The following GRM7 variants were observed in gnomAD, a reference collection of about 807,000 sequenced individuals.
The protein encoded by GRM7 is glutamate metabotropic receptor 7, also known as metabotropic glutamate receptor 7.
A neutral mutation model predicts 84.5 loss-of-function variants in GRM7; 35 were observed. That is an observed-to-expected ratio of 0.41 (90% confidence interval 0.32 to 0.55). The LOEUF is 0.55. GRM7 is among the 20% of genes least tolerant of loss of function. The pLI is 0.19. For missense variants in GRM7, 1,003 were observed against 1,194.6 expected (o/e 0.84, Z 2.36); for synonymous variants, 487 against 455.1 (o/e 1.07, Z -0.89).
At chr3:7,410,242 T>C (rs1695867555) in intron 4 of GRM7, among the ~76,000 whole-genome samples, 2 of 152,158 alleles carry the variant, frequency 1.3e-5, no homozygotes, top group Admixed American at 1.3e-4. Flanking sequence ...ATCTGGACTT[T>C]CAAGTAAAAT....
intron 1 of GRM7, among the ~76,000 whole-genome samples, chr3:6,962,717 G>C (rs1693349333): frequency 6.6e-6 from 1 of 152,150 alleles, no homozygotes; most frequent in Non-Finnish European, 1.5e-5. Context: ...ACCCAGAACT[G>C]ACTAAAAGTC....
intron 1 of GRM7, among the ~76,000 whole-genome samples, chr3:6,914,052 C>T (rs1042760578): frequency 5.3e-5 from 8 of 152,132 alleles, no homozygotes; most frequent in East Asian, 1.9e-4. Flanking sequence ...ACCTGTGGTA[C>T]GAATTGTTTT....
rs529541149 is a variant in GRM7 at position 7,512,734 on chromosome 3, A to AT, written c.1515+51017dup. Reference sequence around the variant, plus strand: ...GCCCTTAGTTAATGCTGGGGAAAACATTTTTATCCAACCTGGAGGACACTT... The same window carrying AT: ...GCCCTTAGTTAATGCTGGGGAAAACATTTTTTATCCAACCTGGAGGACACTT... On this transcript the variant is annotated intron_variant, in intron 7 of 9. Coordinates refer to ENST00000357716, the MANE Select transcript of GRM7 (RefSeq NM_000844.4). 3.4e-4 allele frequency among the ~76,000 whole-genome samples: 51 copies of AT among 152,218 alleles called. 1 individual carries two copies. The South Asian group carries it at 9.7e-3, about 29-fold the overall frequency.
chr3:7,310,567 A>G (rs1225733526), intron 4 of GRM7, among the ~76,000 whole-genome samples: 3 of 152,164 alleles, frequency 2.0e-5, no homozygotes, highest in Non-Finnish European at 4.4e-5. Context: ...AAAATGAGAA[A>G]GAAAATATTG....
chr3:6,925,682 G>A (rs1313630114), intron 1 of GRM7, among the ~76,000 whole-genome samples: 1 of 152,180 alleles, frequency 6.6e-6, no homozygotes, highest in Non-Finnish European at 1.5e-5. Flanking sequence ...GAATGCTCTA[G>A]TTGATGATTT....
chr3:7,470,969 G>A (rs1034171716), intron 7 of GRM7, among the ~76,000 whole-genome samples: 4 of 151,566 alleles, frequency 2.6e-5, no homozygotes, highest in Non-Finnish European at 4.4e-5. Context: ...GTGGGGCATC[G>A]TCAGAATGCC....
At chr3:7,111,934 C>T (rs867834957) in intron 1 of GRM7, among the ~76,000 whole-genome samples, 1 of 152,192 alleles carries the variant, frequency 6.6e-6, no homozygotes, top group South Asian at 2.1e-4. Context: ...GTTTCAGGGC[C>T]TTTTAAAATT....
chr3:7,312,285 G>A lies in GRM7; in HGVS notation c.1033+5633G>A, dbSNP rs765949066. Among the ~76,000 whole-genome samples the A allele has an allele frequency of 4.6e-5, 7 of 152,132 alleles. 1 individual carries two copies. Among genetic ancestry groups the A allele is most frequent in the Non-Finnish European group, 7.3e-5 (5 of 68,040 alleles). On this transcript the variant is annotated intron_variant, in intron 4 of 9. Transcript: ENST00000357716. ...GTCTTGGCAGCAATGCAAAGGAGGG[G>A]CTTCCAGGGTCAGTAGAAAACATGC...
chr3:7,337,137 T>TTTGACAAAGCAAACAAACATAAAA, intron 4 of GRM7, among the ~76,000 whole-genome samples: 1 of 152,132 alleles, frequency 6.6e-6, no homozygotes, highest in African/African-American at 2.4e-5. Context: ...CCAACTGCTC[T>TTTGACAAAGCAAACAAACATAAAA]TTGACAAAGC....
At chr3:7,288,513 C>T (rs1699508525) in intron 2 of GRM7, among the ~76,000 whole-genome samples, 1 of 152,106 alleles carries the variant, frequency 6.6e-6, no homozygotes, top group Non-Finnish European at 1.5e-5. Flanking sequence ...TAGCATTGGA[C>T]AAATCTGTGT....
intron 9 of GRM7, among the ~76,000 whole-genome samples, chr3:7,726,106 A>G (rs993737340): frequency 6.6e-6 from 1 of 152,172 alleles, no homozygotes; most frequent in African/African-American, 2.4e-5. Context: ...ATGAGTCAGA[A>G]TCTATAACAG....
At chr3:7,702,406 G>A (rs961465050) in intron 9 of GRM7, among the ~76,000 whole-genome samples, 1 of 152,134 alleles carries the variant, frequency 6.6e-6, no homozygotes, top group Non-Finnish European at 1.5e-5. Context: ...TTTTGACTAT[G>A]TACAACCTTT....
Position 6,863,018 on chromosome 3 carries a change from T to C in GRM7, c.519+1111T>C. The stretch of plus-strand genomic sequence containing the variant: ...CTGCACTGGGTAGGAATGAGTGGCT[T>C]TGGGGTTTGGAAATTGAGTTTCAGG... On this transcript the variant is annotated intron_variant, in intron 1 of 9. Transcript: ENST00000357716. This position sits in a 1 kb window ranked among gnomAD's most constrained non-coding sequence, Gnocchi z 4.8. 2.2e-6 allele frequency: 1 copy of C among 456,022 alleles called. No homozygotes were observed. Among genetic ancestry groups the C allele is most frequent in the South Asian group, 1.6e-5 (1 of 64,444 alleles). 28.2% of individuals were successfully genotyped at this position (456,022 alleles called of 1,614,324 possible).
intron 1 of GRM7, among the ~76,000 whole-genome samples, chr3:6,920,472 T>C (rs999504839): frequency 2.0e-5 from 3 of 151,564 alleles, no homozygotes; most frequent in Admixed American, 6.6e-5. Flanking sequence ...CAAGAATCGC[T>C]GGAACCTGGG....
intron 4 of GRM7, among the ~76,000 whole-genome samples, chr3:7,394,062 G>A (rs114548510): frequency 4.0e-5 from 6 of 151,810 alleles, no homozygotes; most frequent in South Asian, 2.1e-4. Flanking sequence ...ATCATTCTTC[G>A]CATCTTAGAG....
intron 4 of GRM7, among the ~76,000 whole-genome samples, chr3:7,335,837 C>T (rs1701397657): frequency 6.6e-6 from 1 of 151,870 alleles, no homozygotes; most frequent in Non-Finnish European, 1.5e-5. Flanking sequence ...AAATAAACAA[C>T]CCTCATAGAT....
In GRM7 at chr3:7,151,071, T is replaced by C. The variant is rs1479308259; in HGVS notation, c.736+4403T>C. 6.6e-6 allele frequency among the ~76,000 whole-genome samples: 1 copy of C among 152,234 alleles called. No individual in the cohort carries two copies. The highest frequency in any genetic ancestry group is 1.5e-5 in the Non-Finnish European group (1 of 68,038). ...CAGTGATCACTTAACATAGTTGTAT[T>C]TCAATTGTTCTTATAAAGTAATTAT... On this transcript the variant is annotated intron_variant, in intron 2 of 9. Coordinates refer to ENST00000357716, the MANE Select transcript of GRM7 (RefSeq NM_000844.4). This position sits in a 1 kb window ranked among gnomAD's most constrained non-coding sequence, Gnocchi z 4.5.
chr3:7,358,329 C>T (rs1693499935), intron 4 of GRM7, among the ~76,000 whole-genome samples: 1 of 152,112 alleles, frequency 6.6e-6, no homozygotes, highest in South Asian at 2.1e-4. Flanking sequence ...TTAGGTCCAG[C>T]AAACAACAAG....
At chr3:7,290,667 C>T (rs957096580) in intron 2 of GRM7, among the ~76,000 whole-genome samples, 1 of 152,156 alleles carries the variant, frequency 6.6e-6, no homozygotes, top group Non-Finnish European at 1.5e-5. Flanking sequence ...GTCTTGTGTA[C>T]TTCCACCCCA....
Sources: gnomAD v4.1 joint callset for allele counts (sites outside exome capture counted in the v4.1 genomes callset) on GRCh38, gnomAD v4.1.1 for gene constraint, Gnocchi (gnomAD v3.1) non-coding constraint, MANE v1.5 for transcripts, NCBI Gene and HGNC (gene_info 2026-07-23, HGNC 2026-07-21) for gene names.